The following TANC2 variants were observed in gnomAD, a reference collection of about 807,000 sequenced individuals.
TANC2 encodes the protein tetratricopeptide repeat, ankyrin repeat and coiled-coil containing 2.
Under a neutral mutation model 210.5 loss-of-function variants are expected in TANC2, and 26 were observed. That is an observed-to-expected ratio of 0.12 (90% CI 0.09 to 0.17). The LOEUF is 0.17. Among genes scored for constraint, TANC2 ranks in the 10% least tolerant of loss-of-function variants. The pLI, the probability that TANC2 is intolerant of heterozygous loss-of-function variation, is 1.00. For missense variants in TANC2, 2,129 were observed against 2,608.9 expected (o/e 0.82, Z 4.01); for synonymous variants, 931 against 967.1 (o/e 0.96, Z 0.69).
At chr17:63,313,859 T>C (rs2045214935) in intron 9 of TANC2, among the ~76,000 whole-genome samples, 1 of 152,230 alleles carries the variant, frequency 6.6e-6, no homozygotes, top group Non-Finnish European at 1.5e-5. Context: ...TTTCAACTGA[T>C]ACGTACTGGT....
At chr17:63,088,753 A>G (rs988745621) in intron 3 of TANC2, 4 of 152,168 alleles carry the variant, frequency 2.6e-5, no homozygotes, top group African/African-American at 9.7e-5. Context: ...GTGAGATCTC[A>G]TGTAAGTTTT....
chr17:63,151,718 A>C (rs376624768), intron 5 of TANC2: 1 of 152,218 alleles, frequency 6.6e-6, no homozygotes, highest in East Asian at 1.9e-4. Context: ...GAAATGTTGA[A>C]GATGTGAATA....
intron 3 of TANC2, among the ~76,000 whole-genome samples, chr17:63,087,934 A>C (rs189745040): frequency 6.6e-6 from 1 of 152,120 alleles, no homozygotes; most frequent in South Asian, 2.1e-4. Context: ...TGATTTTTCA[A>C]CGTGTTTAGT....
intron 3 of TANC2, among the ~76,000 whole-genome samples, chr17:63,083,633 G>A (rs1334048713): frequency 6.6e-6 from 1 of 152,174 alleles, no homozygotes; most frequent in Non-Finnish European, 1.5e-5. Context: ...TACCACTTCA[G>A]AACTTTAAGT....
rs146958531 is a variant in TANC2 at position 63,403,813 on chromosome 17, A to C, written c.3332-1309A>C. On this transcript the variant is annotated intron_variant, in intron 19 of 27. Coordinates refer to ENST00000689528, the Ensembl canonical transcript of TANC2. ...TTCTTATCCTTGCAGAAGGAAGGAA[A>C]ATGTTACTTGAAGGTTTATACTTGC... Among the ~76,000 whole-genome samples the C allele has an allele frequency of 1.1e-3, 161 of 152,336 alleles. 1 individual carries two copies. Among genetic ancestry groups the C allele is most frequent in the Admixed American group, 4.6e-3 (70 of 15,298 alleles).
At chr17:63,192,716 C>T (rs1011614685) in intron 5 of TANC2, among the ~76,000 whole-genome samples, 2 of 152,140 alleles carry the variant, frequency 1.3e-5, no homozygotes, top group African/African-American at 2.4e-5. Context: ...GTAATAATTT[C>T]TACCTTAGAA....
chr17:63,292,266 T>C (rs894441539), intron 9 of TANC2, among the ~76,000 whole-genome samples: 1 of 152,102 alleles, frequency 6.6e-6, no homozygotes, highest in Non-Finnish European at 1.5e-5. Context: ...TTGGCAGTAT[T>C]TTAAAGATGG....
chr17:63,051,353 G>C (rs1446922545), intron 2 of TANC2, among the ~76,000 whole-genome samples: 2 of 152,138 alleles, frequency 1.3e-5, no homozygotes, highest in Non-Finnish European at 2.9e-5. Flanking sequence ...GAAAACCCTA[G>C]CTCATACTTG....
intron 2 of TANC2, among the ~76,000 whole-genome samples, chr17:63,040,419 A>G (rs1386751984): frequency 2.0e-5 from 3 of 152,124 alleles, no homozygotes; most frequent in Non-Finnish European, 4.4e-5. Flanking sequence ...CACCCCCTCC[A>G]AAAGAAGCAC....
At chr17:63,385,006 G>C (rs922880042) in intron 15 of TANC2, among the ~76,000 whole-genome samples, 15 of 152,156 alleles carry the variant, frequency 9.9e-5, no homozygotes, top group Non-Finnish European at 1.8e-4. Flanking sequence ...AGTAAAAACA[G>C]ATTTGGCCTC....
In TANC2 at chr17:63,032,832, G is replaced by C. The variant is rs932069606; in HGVS notation, c.67+23206G>C. Among the ~76,000 whole-genome samples, 3 of 152,200 alleles carry C rather than the reference G, an allele frequency of 2.0e-5. No homozygotes were observed. The East Asian group carries it at 5.8e-4, about 29-fold the overall frequency. ...ATTTAATTCTGATGACTAGGAGTTA[G>C]TTAGACCCCACAGGTTGAGGACTAG... On this transcript the variant is annotated intron_variant, in intron 2 of 27. Transcript: ENST00000689528.
chr17:62,982,483 CA>C (rs1215531457), intron 1 of TANC2, among the ~76,000 whole-genome samples: 1 of 152,162 alleles, frequency 6.6e-6, no homozygotes, highest in East Asian at 1.9e-4. Flanking sequence ...TTATTTCCTT[CA>C]ATGAATTTGT....
intron 15 of TANC2, among the ~76,000 whole-genome samples, chr17:63,382,987 G>A (rs2047662262): frequency 6.6e-6 from 1 of 152,168 alleles, no homozygotes; most frequent in African/African-American, 2.4e-5. Flanking sequence ...ACACATTCCT[G>A]AGCCTTACTC....
At chr17:63,207,211 C>CTTTTTTTTTTTTT (rs948663767) in intron 7 of TANC2, among the ~76,000 whole-genome samples, 3 of 113,806 alleles carry the variant, frequency 2.6e-5, no homozygotes, top group Non-Finnish European at 3.6e-5. Flanking sequence ...TTTTTTTTTC[C>CTTTTTTTTTTTTT]TTTTTTTTTT....
intron 9 of TANC2, among the ~76,000 whole-genome samples, chr17:63,304,649 T>C (rs1181349525): frequency 6.6e-6 from 1 of 152,178 alleles, no homozygotes; most frequent in African/African-American, 2.4e-5. Context: ...GGGGGCCTTG[T>C]CTGGGCTCCC....
chr17:63,113,064 A>G (rs980171192), intron 4 of TANC2, among the ~76,000 whole-genome samples: 2 of 152,214 alleles, frequency 1.3e-5, no homozygotes, highest in African/African-American at 2.4e-5. Flanking sequence ...TTTAAGGGCT[A>G]AACAATTTTG....
At chr17:63,120,064 AAATT>A (rs946721618) in intron 4 of TANC2, among the ~76,000 whole-genome samples, 3 of 152,052 alleles carry the variant, frequency 2.0e-5, no homozygotes, top group African/African-American at 4.8e-5. Context: ...AAAAAAAAAA[AAATT>A]AATAACAAAG....
chr17:63,366,149 C>T (rs1049736319), intron 14 of TANC2, among the ~76,000 whole-genome samples: 1 of 152,126 alleles, frequency 6.6e-6, no homozygotes, highest in Non-Finnish European at 1.5e-5. Context: ...AGAAACTCTT[C>T]CCACAACTCA....
At chr17:63,083,157 A>G (rs1245715652) in intron 3 of TANC2, among the ~76,000 whole-genome samples, 1 of 152,042 alleles carries the variant, frequency 6.6e-6, no homozygotes, top group Admixed American at 6.6e-5. Context: ...CTCCTTCAGG[A>G]CCACCCCTGA....
Sources: allele counts gnomAD v4.1 joint callset (sites outside exome capture counted in the v4.1 genomes callset), GRCh38; gene constraint gnomAD v4.1.1; transcripts MANE v1.5; gene names NCBI Gene and HGNC (gene_info 2026-07-23, HGNC 2026-07-21).